The following ARMH3 variants were observed in gnomAD, a reference collection of about 807,000 sequenced individuals.
The protein encoded by ARMH3 is armadillo-like helical domain-containing protein 3.
A neutral mutation model predicts 99.1 loss-of-function variants in ARMH3; 60 were observed. The observed-to-expected ratio is 0.61, with a 90% CI of 0.49 to 0.75. The LOEUF is 0.75. Ranked by LOEUF, ARMH3 falls within the 30% of genes least tolerant of loss-of-function variation. The probability of loss-of-function intolerance (pLI) is 0.00; values close to 1 mark genes in which losing one functional copy is unlikely to be tolerated. For synonymous variants in ARMH3, 285 were observed against 292.8 expected (o/e 0.97, Z 0.27); for missense variants, 679 against 843.1 (o/e 0.81, Z 2.41).
chr10:101,861,169 A>G (rs2066857028), intron 24 of ARMH3, among the ~76,000 whole-genome samples: 1 of 152,206 alleles, frequency 6.6e-6, no homozygotes, highest in African/African-American at 2.4e-5. Context: ...TAATGAAACT[A>G]GTGTTAAAGG....
At chr10:102,055,608 G>A (rs953473791) in intron 1 of ARMH3, among the ~76,000 whole-genome samples, 1 of 152,228 alleles carries the variant, frequency 6.6e-6, no homozygotes, top group Non-Finnish European at 1.5e-5. Context: ...TCAGAGCCTG[G>A]AGAGGGACAG....
chr10:101,875,591 C>G (rs1211232171), intron 24 of ARMH3, among the ~76,000 whole-genome samples: 2 of 152,100 alleles, frequency 1.3e-5, no homozygotes, highest in African/African-American at 4.8e-5. Context: ...CTGGCCAGTT[C>G]TCCCAGTCCA....
At chr10:101,849,733 G>A (rs748712572) in intron 25 of ARMH3, 43 bp downstream of exon 25, 3 of 1,540,888 alleles carry the variant, frequency 1.9e-6, no homozygotes, top group South Asian at 2.2e-5. Flanking sequence ...CAGTGGCTGG[G>A]GGCGGGCCCC....
At chr10:101,998,480 G>A (rs1313312997) in intron 15 of ARMH3, among the ~76,000 whole-genome samples, 2 of 152,168 alleles carry the variant, frequency 1.3e-5, no homozygotes, top group Non-Finnish European at 2.9e-5. Flanking sequence ...TTTCTTGAAA[G>A]AGAACACTTG....
chr10:101,947,750 A>G (rs1380464872), intron 22 of ARMH3, among the ~76,000 whole-genome samples: 1 of 152,020 alleles, frequency 6.6e-6, no homozygotes, highest in African/African-American at 2.4e-5. Context: ...CAGTGAGCCG[A>G]GATCATGCCA....
intron 24 of ARMH3, among the ~76,000 whole-genome samples, chr10:101,876,804 A>C (rs879668822): frequency 1.3e-5 from 2 of 152,166 alleles, no homozygotes; most frequent in Non-Finnish European, 2.9e-5. Flanking sequence ...GACTAAAAAA[A>C]CTGAAGTGGG....
chr10:101,860,153 A>C (rs2066831185), intron 24 of ARMH3, among the ~76,000 whole-genome samples: 1 of 152,190 alleles, frequency 6.6e-6, no homozygotes. Context: ...CACTATATAT[A>C]CCATTTCCAA....
intron 2 of ARMH3, among the ~76,000 whole-genome samples, chr10:102,036,042 G>A (rs1412667988): frequency 5.3e-5 from 8 of 150,630 alleles, no homozygotes; most frequent in African/African-American, 1.7e-4. Flanking sequence ...GGTGGGGAGC[G>A]TCTCCGCCCG....
In ARMH3 at chr10:101,889,764, A is replaced by G. The variant is rs946065148; in HGVS notation, c.1782-274T>C. 50 of 384,718 alleles carry G rather than the reference A, an allele frequency of 1.3e-4. No individual in the cohort carries two copies. The Admixed American group carries it at 1.8e-3, about 14-fold the overall frequency. 23.8% of individuals were successfully genotyped at this position (384,718 alleles called of 1,614,324 possible). A position where few individuals can be genotyped will look rare whatever the true frequency, so the allele number is the denominator to read the frequency against. On this transcript the variant is annotated intron_variant, in intron 23 of 25. Coordinates refer to ENST00000370033, the MANE Select transcript of ARMH3 (RefSeq NM_024541.3). ...AAAAAACCCAAAGCCAAACAAAAAT[A>G]TTGAGTCCTTCAGATGAGAAAGGGA...
intron 24 of ARMH3, among the ~76,000 whole-genome samples, chr10:101,879,313 A>G (rs1284929672): frequency 1.3e-5 from 2 of 152,138 alleles, no homozygotes; most frequent in Non-Finnish European, 2.9e-5. Flanking sequence ...GTACTCATCT[A>G]TAAAATGATA....
intron 1 of ARMH3, among the ~76,000 whole-genome samples, chr10:102,044,984 A>G (rs970211369): frequency 6.6e-6 from 1 of 151,934 alleles, no homozygotes; most frequent in African/African-American, 2.4e-5. Flanking sequence ...AAAAATATGA[A>G]AATTAGACAG....
At chr10:101,947,518 A>AG (rs1844587237) in intron 22 of ARMH3, among the ~76,000 whole-genome samples, 1 of 151,798 alleles carries the variant, frequency 6.6e-6, no homozygotes. Context: ...TAAAAAAAAA[A>AG]GACCAGGCAC....
chr10:101,867,101 A>G (rs574317350), intron 24 of ARMH3, among the ~76,000 whole-genome samples: 1 of 152,350 alleles, frequency 6.6e-6, no homozygotes, highest in African/African-American at 2.4e-5. Context: ...GAGTGCCCTT[A>G]TCTATAAACC....
In ARMH3 at chr10:102,002,132, C is replaced by T. The variant is rs2066375569; in HGVS notation, c.1049-60G>A. On this transcript the variant is annotated intron_variant, in intron 14 of 25. Transcript: ENST00000370033. ...AACATATTCCATCTAACACTTCTAC[C>T]CACATAGCCAATTTGCCAGCAGGCA... The T allele has an allele frequency of 1.9e-6, 3 of 1,588,244 alleles. No individual in the cohort carries two copies. In the South Asian group the frequency reaches 3.4e-5, roughly 18 times the overall value.
chr10:101,948,497 A>C (rs1157625650), intron 22 of ARMH3, among the ~76,000 whole-genome samples: 1 of 152,252 alleles, frequency 6.6e-6, no homozygotes, highest in Non-Finnish European at 1.5e-5. Flanking sequence ...AACAAGGAAT[A>C]CTACCTGGGT....
intron 22 of ARMH3, among the ~76,000 whole-genome samples, chr10:101,950,501 C>T (rs1844736213): frequency 6.6e-6 from 1 of 152,162 alleles, no homozygotes; most frequent in Non-Finnish European, 1.5e-5. Context: ...TACATGGATG[C>T]TCATAGCAGG....
intron 20 of ARMH3, among the ~76,000 whole-genome samples, chr10:101,973,957 T>C (rs1487243456): frequency 3.3e-5 from 5 of 152,190 alleles, no homozygotes; most frequent in Admixed American, 2.0e-4. Flanking sequence ...CAACTATCCA[T>C]AGGCAGCAAT....
At chr10:101,952,646 GAGA>G (rs1319981688) in intron 22 of ARMH3, 1 of 152,200 alleles carries the variant, frequency 6.6e-6, no homozygotes, top group Admixed American at 6.5e-5. Flanking sequence ...GGGAAAAGAG[GAGA>G]AGTTCAATCT....
At chr10:101,922,093 T>C (rs1224869539) in intron 23 of ARMH3, among the ~76,000 whole-genome samples, 1 of 152,154 alleles carries the variant, frequency 6.6e-6, no homozygotes, top group Non-Finnish European at 1.5e-5. Context: ...AAATATCACG[T>C]GTACCCTACA....
Sources: allele counts gnomAD v4.1 joint callset (sites outside exome capture counted in the v4.1 genomes callset), GRCh38; gene constraint gnomAD v4.1.1; transcripts MANE v1.5; gene names NCBI Gene and HGNC (gene_info 2026-07-23, HGNC 2026-07-21).